CDH13: variants seen among roughly 807,000 people sequenced by gnomAD.
CDH13 encodes cadherin-13.
CDH13 carries 24 observed loss-of-function variants against 63.8 expected under a neutral mutation model. The observed-to-expected ratio is 0.38, with a 90% confidence interval of 0.27 to 0.53. The LOEUF (loss-of-function observed/expected upper bound fraction) is 0.53, where lower values mean the gene tolerates loss of function less well. Among genes scored for constraint, CDH13 ranks in the 20% least tolerant of loss-of-function variants. The pLI, the probability that CDH13 is intolerant of heterozygous loss-of-function variation, is 0.85. For synonymous variants in CDH13, 503 were observed against 355.3 expected, an observed-to-expected ratio of 1.42 and a Z score of -4.67; for missense variants, 1,049 against 903.1, an observed-to-expected ratio of 1.16 and a Z score of -2.07.
chr16:83,224,382 C>T (rs145367420), intron 5 of CDH13, among the ~76,000 whole-genome samples: 5 of 152,266 alleles, frequency 3.3e-5, no homozygotes, highest in East Asian at 3.9e-4. Context: ...AGTGGGACTG[C>T]TGGAGTGCAG....
intron 5 of CDH13, among the ~76,000 whole-genome samples, chr16:83,289,118 C>A (rs1225881091): frequency 1.3e-5 from 2 of 152,158 alleles, no homozygotes; most frequent in Non-Finnish European, 1.5e-5. Flanking sequence ...TGCTCCTGGC[C>A]TACAAGAACC....
intron 3 of CDH13, among the ~76,000 whole-genome samples, chr16:83,041,458 G>C (rs1429599819): frequency 6.6e-6 from 1 of 151,238 alleles, no homozygotes; most frequent in Non-Finnish European, 1.5e-5. Context: ...AGTTGTTTTT[G>C]TTTTTAATTT....
At chr16:83,045,213 A>G (rs999212954) in intron 3 of CDH13, among the ~76,000 whole-genome samples, 9 of 152,212 alleles carry the variant, frequency 5.9e-5, no homozygotes, top group Admixed American at 2.0e-4. Context: ...GAGAAATTTT[A>G]GGCAAGTAGA....
intron 1 of CDH13, among the ~76,000 whole-genome samples, chr16:82,792,209 G>C (rs1487074110): frequency 1.3e-5 from 2 of 152,114 alleles, no homozygotes; most frequent in Non-Finnish European, 2.9e-5. Flanking sequence ...CCACCTTGCT[G>C]TCCTGGCATC....
chr16:83,102,930 C>CTT (rs71148812), intron 3 of CDH13, among the ~76,000 whole-genome samples: 1,228 of 96,298 alleles, frequency 0.013, 17 homozygotes, highest in African/African-American at 0.017. Context: ...TTTTCTTTTT[C>CTT]TTTTTTTTTT....
chr16:83,497,513 G>A (rs1176071308), intron 7 of CDH13, among the ~76,000 whole-genome samples: 1 of 120,734 alleles, frequency 8.3e-6, no homozygotes, highest in Admixed American at 9.5e-5. Context: ...GACTGTTGTG[G>A]GGTGGGGGGA....
chr16:83,018,679 G>C (rs1172519073), intron 2 of CDH13, among the ~76,000 whole-genome samples: 1 of 152,158 alleles, frequency 6.6e-6, no homozygotes, highest in Non-Finnish European at 1.5e-5. Flanking sequence ...ATCATTGTTG[G>C]AACATCACAG....
intron 1 of CDH13, among the ~76,000 whole-genome samples, chr16:82,704,470 A>G (rs1379127415): frequency 1.3e-5 from 2 of 152,190 alleles, no homozygotes; most frequent in African/African-American, 2.4e-5. Flanking sequence ...TGGGACTGCA[A>G]AGATGTCTGA....
At chr16:82,842,256 CA>C (rs1271386024) in intron 1 of CDH13, among the ~76,000 whole-genome samples, 2 of 150,068 alleles carry the variant, frequency 1.3e-5, no homozygotes, top group African/African-American at 4.9e-5. Context: ...TTATCAAAGA[CA>C]AGGAATTTTT....
chr16:83,002,982 G>C (rs1913095522), intron 2 of CDH13, among the ~76,000 whole-genome samples: 1 of 152,188 alleles, frequency 6.6e-6, no homozygotes, highest in South Asian at 2.1e-4. Context: ...CAAAAGCCTG[G>C]AGAGGTAGGT....
chr16:83,101,197 A>T (rs1401272062), intron 3 of CDH13, among the ~76,000 whole-genome samples: 1 of 151,130 alleles, frequency 6.6e-6, no homozygotes, highest in African/African-American at 2.4e-5. Flanking sequence ...ATAGAAAAGT[A>T]TATAGAGGTA....
Position 83,779,405 on chromosome 16 carries a change from T to TAAAAAAAAAAAAAAAAAAAAAAA in CDH13, c.1682-563_1682-562insAAAAAAAAAAAAAAAAAAAAAAA, listed in dbSNP as rs1174439191. 3.0e-5 allele frequency among the ~76,000 whole-genome samples: 2 copies of TAAAAAAAAAAAAAAAAAAAAAAA among 67,784 alleles called. 1 individual carries two copies. Among genetic ancestry groups the TAAAAAAAAAAAAAAAAAAAAAAA allele is most frequent in the Non-Finnish European group, 5.1e-5 (2 of 39,164 alleles). 44.5% of individuals were successfully genotyped at this position (67,784 alleles called of 152,430 possible). ...CCGGGCGACAGCGCGAGACTCCATC[T>TAAAAAAAAAAAAAAAAAAAAAAA]CAAAAAAAAAAAAAAAAAAAAAAAA... On this transcript the variant is annotated intron_variant, in intron 11 of 13. Transcript: ENST00000567109.
In CDH13 at chr16:82,735,697, C is replaced by A. The variant is rs780126425; in HGVS notation, c.45+108560C>A. On this transcript the variant is annotated intron_variant, in intron 1 of 13. Coordinates refer to ENST00000567109, the MANE Select transcript of CDH13 (RefSeq NM_001257.5). ...AATGGATTCCAGCTTCATTATCCCA[C>A]TGTGATCTGAGGAAAGCGAGACCAC... Among the ~76,000 whole-genome samples the A allele has an allele frequency of 6.6e-5, 10 of 152,358 alleles. 1 individual carries two copies. Among genetic ancestry groups the A allele is most frequent in the African/African-American group, 2.4e-4 (10 of 41,582 alleles).
intron 1 of CDH13, among the ~76,000 whole-genome samples, chr16:82,668,861 C>G (rs142847504): frequency 3.3e-5 from 5 of 152,188 alleles, no homozygotes; most frequent in African/African-American, 1.2e-4. Context: ...TGGAGCCAGA[C>G]CTGTACCTTC....
chr16:82,669,799 G>A (rs1597272974), intron 1 of CDH13, among the ~76,000 whole-genome samples: 2 of 152,054 alleles, frequency 1.3e-5, no homozygotes, highest in Non-Finnish European at 2.9e-5. Context: ...ACCCCAGCCG[G>A]GTTGGTAGGC....
At chr16:83,233,172 A>G (rs1269053241) in intron 5 of CDH13, among the ~76,000 whole-genome samples, 1 of 152,222 alleles carries the variant, frequency 6.6e-6, no homozygotes, top group Non-Finnish European at 1.5e-5. Context: ...GTGCAAATAT[A>G]CGAGACAAAA....
At position 82,727,612 on chromosome 16, in the gene CDH13, C is replaced by A. The variant is rs576216317; in HGVS notation, c.45+100475C>A. On this transcript the variant is annotated intron_variant, in intron 1 of 13. Transcript: ENST00000567109. ...CATTTAGAACATGGTGTATTCTTTC[C>A]CTCCTTGCTCATATCATTTATGAAA... 3 of 152,232 alleles carry A rather than the reference C, an allele frequency of 2.0e-5. No homozygotes were observed. In the South Asian group the frequency reaches 6.2e-4, roughly 32 times the overall value. 9.4% of individuals were successfully genotyped at this position (152,232 alleles called of 1,614,324 possible). A position where few individuals can be genotyped will look rare whatever the true frequency, so the allele number is the denominator to read the frequency against.
intron 7 of CDH13, among the ~76,000 whole-genome samples, chr16:83,560,614 T>C (rs1263855688): frequency 6.6e-6 from 1 of 152,238 alleles, no homozygotes; most frequent in African/African-American, 2.4e-5. Flanking sequence ...TCACTTAACA[T>C]TGTTTCTCTG....
At chr16:82,986,294 T>A (rs1246029847) in intron 2 of CDH13, among the ~76,000 whole-genome samples, 1 of 152,184 alleles carries the variant, frequency 6.6e-6, no homozygotes, top group African/African-American at 2.4e-5. Context: ...AACTGGCTCA[T>A]GTGGAGGTCA....
Sources: allele counts gnomAD v4.1 joint callset (sites outside exome capture counted in the v4.1 genomes callset), GRCh38; gene constraint gnomAD v4.1.1; transcripts MANE v1.5; gene names NCBI Gene and HGNC (gene_info 2026-07-23, HGNC 2026-07-21).